Variants in CAMK4 observed in about 807,000 individuals in gnomAD.
CAMK4 encodes the protein calcium/calmodulin dependent protein kinase IV.
Under a neutral mutation model 44.9 loss-of-function variants are expected in CAMK4, and 22 were observed. The ratio of observed to expected loss-of-function variants is 0.49; its 90% CI spans 0.35 to 0.70. The LOEUF is 0.70. CAMK4 is among the 30% of genes least tolerant of loss of function. The pLI, the probability that CAMK4 is intolerant of heterozygous loss-of-function variation, is 0.01. For missense variants in CAMK4, 498 were observed against 586.8 expected (o/e 0.85, Z 1.56); for synonymous variants, 218 against 215.4 (o/e 1.01, Z -0.11).
intron 2 of CAMK4, among the ~76,000 whole-genome samples, chr5:111,374,473 A>G (rs188653980): frequency 2.6e-4 from 40 of 152,260 alleles, no homozygotes; most frequent in Admixed American, 2.6e-3. Context: ...GAGAAGGACA[A>G]GTGAAGTGAT....
chr5:111,477,619 T>A (rs1275648774), intron 8 of CAMK4, among the ~76,000 whole-genome samples: 1 of 152,230 alleles, frequency 6.6e-6, no homozygotes, highest in Non-Finnish European at 1.5e-5. Context: ...CCCAAGATAG[T>A]TCTCCGTCCC....
At chr5:111,236,409 C>G (rs1748724371) in intron 1 of CAMK4, among the ~76,000 whole-genome samples, 1 of 152,202 alleles carries the variant, frequency 6.6e-6, no homozygotes, top group African/African-American at 2.4e-5. Flanking sequence ...AGAATACTAC[C>G]AGGTGTTTAT....
At chr5:111,314,483 CTTAA>C (rs939319822) in intron 1 of CAMK4, among the ~76,000 whole-genome samples, 1 of 151,988 alleles carries the variant, frequency 6.6e-6, no homozygotes, top group African/African-American at 2.4e-5. Flanking sequence ...CAAAAGTTTG[CTTAA>C]TTAACTAATA....
chr5:111,271,946 C>T (rs1033454230), intron 1 of CAMK4, among the ~76,000 whole-genome samples: 3 of 152,114 alleles, frequency 2.0e-5, no homozygotes, highest in Non-Finnish European at 4.4e-5. Context: ...ACTTTTCTCT[C>T]CCGCGATTCT....
chr5:111,458,501 T>C (rs1754500106), intron 7 of CAMK4, among the ~76,000 whole-genome samples: 1 of 152,244 alleles, frequency 6.6e-6, no homozygotes, highest in Admixed American at 6.5e-5. Flanking sequence ...CTAGGCACTG[T>C]TGTATGTTGT....
upstream of CAMK4, chr5:111,224,305 C>G (rs1286480438): frequency 1.5e-5 from 14 of 910,636 alleles, no homozygotes; most frequent in East Asian, 4.6e-4. This position sits in a 1 kb window ranked among gnomAD's most constrained non-coding sequence, Gnocchi z 5.7. Flanking sequence ...CTCGCAGAGG[C>G]TCGCCCCCTT....
intron 1 of CAMK4, among the ~76,000 whole-genome samples, chr5:111,280,369 G>C (rs1346300560): frequency 2.6e-5 from 4 of 152,198 alleles, no homozygotes; most frequent in East Asian, 3.8e-4. Flanking sequence ...AAATGCAATG[G>C]CTCAAATTTT....
chr5:111,322,900 C>A (rs191197697), intron 1 of CAMK4, among the ~76,000 whole-genome samples: 10 of 151,924 alleles, frequency 6.6e-5, no homozygotes, highest in Non-Finnish European at 1.0e-4. Context: ...GGATTAAAGG[C>A]TGCAAAAGAA....
At chr5:111,362,290 C>T (rs1249396951) in intron 2 of CAMK4, among the ~76,000 whole-genome samples, 3 of 151,942 alleles carry the variant, frequency 2.0e-5, no homozygotes, top group Non-Finnish European at 4.4e-5. Context: ...GACAAGGATG[C>T]TGATTATAGA....
Position 111,489,527 on chromosome 5 carries a change from G to A in CAMK4, c.*5061G>A, listed in dbSNP as rs141628936. 3.9e-5 allele frequency: 6 copies of A among 152,188 alleles called. No individual in the cohort carries two copies. Among genetic ancestry groups the A allele is most frequent in the Non-Finnish European group, 7.3e-5 (5 of 68,036 alleles). 9.4% of individuals were successfully genotyped at this position (152,188 alleles called of 1,614,324 possible). ...AAATGCTCTGTGATGTACTCAAGAC[G>A]ATTGGGTTGTGTGATACTAACTTCC... On this transcript the variant is annotated 3_prime_UTR_variant, in exon 11 of 11. Coordinates refer to ENST00000282356, the MANE Select transcript of CAMK4 (RefSeq NM_001744.6).
intron 4 of CAMK4, among the ~76,000 whole-genome samples, chr5:111,392,900 C>T (rs568414346): frequency 6.6e-6 from 1 of 152,094 alleles, no homozygotes; most frequent in African/African-American, 2.4e-5. Flanking sequence ...CAAAAGCCAA[C>T]TTGCATAGCC....
At chr5:111,285,105 T>C (rs529677704) in intron 1 of CAMK4, among the ~76,000 whole-genome samples, 2 of 152,258 alleles carry the variant, frequency 1.3e-5, no homozygotes, top group South Asian at 4.2e-4. Context: ...GGCTGGAGCA[T>C]AAAAATAAAG....
chr5:111,382,385 T>G (rs1201702555), intron 4 of CAMK4, among the ~76,000 whole-genome samples: 1 of 152,182 alleles, frequency 6.6e-6, no homozygotes, highest in Non-Finnish European at 1.5e-5. Flanking sequence ...CCAGTCTTTC[T>G]GGAGTTGTAG....
intron 1 of CAMK4, among the ~76,000 whole-genome samples, chr5:111,294,986 T>G (rs1160235890): frequency 1.3e-5 from 2 of 152,216 alleles, no homozygotes; most frequent in Admixed American, 6.5e-5. Flanking sequence ...GGGAAGTAAT[T>G]CTTTACATAA....
intron 7 of CAMK4, among the ~76,000 whole-genome samples, chr5:111,464,790 C>T (rs1754764907): frequency 6.6e-6 from 1 of 152,188 alleles, no homozygotes; most frequent in African/African-American, 2.4e-5. Context: ...AAGTGGTTGC[C>T]ATAATCCTCA....
At chr5:111,360,366 G>A (rs188873900) in intron 2 of CAMK4, among the ~76,000 whole-genome samples, 26 of 152,194 alleles carry the variant, frequency 1.7e-4, no homozygotes, top group African/African-American at 6.0e-4. Flanking sequence ...GATGCTGTCT[G>A]CAGTAGAGAC....
At chr5:111,355,021 G>A (rs2112782127) in intron 2 of CAMK4, among the ~76,000 whole-genome samples, 1 of 152,190 alleles carries the variant, frequency 6.6e-6, no homozygotes, top group South Asian at 2.1e-4. Flanking sequence ...GCTGCTATTG[G>A]CCACTTTTAA....
chr5:111,233,084 C>A (rs573258943), intron 1 of CAMK4, among the ~76,000 whole-genome samples: 2 of 151,766 alleles, frequency 1.3e-5, no homozygotes, highest in East Asian at 2.0e-4. Context: ...TTTAAAAATG[C>A]AAAAATTGTT....
At chr5:111,448,601 C>T (rs1040395131) in intron 6 of CAMK4, among the ~76,000 whole-genome samples, 9 of 152,102 alleles carry the variant, frequency 5.9e-5, no homozygotes, top group African/African-American at 1.7e-4. Flanking sequence ...GTCAGGAGAT[C>T]GAGACCATCC....
Sources: allele counts gnomAD v4.1 joint callset (sites outside exome capture counted in the v4.1 genomes callset), GRCh38; gene constraint gnomAD v4.1.1; non-coding constraint Gnocchi (gnomAD v3.1); transcripts MANE v1.5; gene names NCBI Gene and HGNC (gene_info 2026-07-23, HGNC 2026-07-21).